POTEJ: variants seen among roughly 807,000 people sequenced by gnomAD.
The protein encoded by POTEJ is POTE ankyrin domain family member J.
In POTEJ, 11 loss-of-function variants were observed where a neutral mutation model predicts 69.0. That is an observed-to-expected ratio of 0.16 (90% CI 0.10 to 0.26). The LOEUF (loss-of-function observed/expected upper bound fraction) is 0.26, where lower values mean the gene tolerates loss of function less well. Ranked by LOEUF, POTEJ falls within the 10% of genes least tolerant of loss-of-function variation. The pLI is 1.00. For synonymous variants in POTEJ, 117 were observed against 381.1 expected, an observed-to-expected ratio of 0.31 and a Z score of 8.07; for missense variants, 327 against 1,045.5, an observed-to-expected ratio of 0.31 and a Z score of 9.48.
At position 130,611,686 on chromosome 2, in the gene POTEJ, T is replaced by C. The variant is rs1685212364; in HGVS notation, c.154T>C (p.Ser52Pro). 7.2e-7 allele frequency: 1 copy of C among 1,389,996 alleles called. No individual in the cohort carries two copies. Among genetic ancestry groups the C allele is most frequent in the South Asian group, 1.2e-5 (1 of 84,818 alleles). The allele number at this position is 1,389,996 out of a possible 1,614,324, so 86.1% of individuals were successfully genotyped here. The change falls in exon 1 of 15, where the codon TCC becomes CCC. Residue 52 changes from serine (S) to proline (P), a missense_variant. Transcript: ENST00000409602. ...GGGCACTTCTGGAGACCAGGACGAC[T>C]CCACTATGAAGACACTCAGGAGCAA... The part of the protein sequence containing the change: ...NVGTSGDQDD[S>P]TMKTLRSKMG...
intron 1 of POTEJ, among the ~76,000 whole-genome samples, chr2:130,613,257 CATATATACATATATATACAT>C (rs759926575): frequency 3.0e-5 from 3 of 99,100 alleles, no homozygotes; most frequent in African/African-American, 4.6e-5. Context: ...TATATATACA[CATATATACATATATATACAT>C]ATGTATATAT....
chr2:130,614,685 A>G (rs1384839021), intron 1 of POTEJ, among the ~76,000 whole-genome samples: 2 of 133,122 alleles, frequency 1.5e-5, no homozygotes, highest in Non-Finnish European at 1.6e-5. Flanking sequence ...GATTTCTGCA[A>G]TGAACATCTG....
intron 3 of POTEJ, among the ~76,000 whole-genome samples, chr2:130,618,774 CTTTTTT>C (rs1204750696): frequency 5.0e-4 from 16 of 32,174 alleles, no homozygotes; most frequent in African/African-American, 3.2e-3. Context: ...ATTAATCTGA[CTTTTTT>C]TTTTTTTTTT....
chr2:130,624,359 C>T (rs1450648425), intron 6 of POTEJ, among the ~76,000 whole-genome samples: 17 of 141,046 alleles, frequency 1.2e-4, no homozygotes, highest in African/African-American at 4.9e-4. Context: ...TCCGTGGAAG[C>T]TCTGAACTAA....
In POTEJ at chr2:130,656,375, C is replaced by A. The variant is rs1045763992; in HGVS notation, c.1789-174C>A. Among the ~76,000 whole-genome samples the A allele has an allele frequency of 4.7e-5, 7 of 148,776 alleles. No individual in the cohort carries two copies. The South Asian group carries it at 1.0e-3, about 22-fold the overall frequency. On this transcript the variant is annotated intron_variant, in intron 14 of 14. Transcript: ENST00000409602. Reference sequence around the variant, plus strand: ...TTTAAAGACGATGAAAAATAAATCACTGGAGGAATTTACACTCTTATTAGG... The same window carrying A: ...TTTAAAGACGATGAAAAATAAATCAATGGAGGAATTTACACTCTTATTAGG...
chr2:130,645,593 C>T, intron 11 of POTEJ, 144 bp from the exon 12 acceptor site: 1 of 433,054 alleles, frequency 2.3e-6, no homozygotes, highest in Non-Finnish European at 3.7e-6. Flanking sequence ...TTTATTTTAA[C>T]AGTTTAATTT....
At position 130,657,045 on chromosome 2, in the gene POTEJ, A is replaced by T. The variant is rs1163032490; in HGVS notation, c.2285A>T (p.Glu762Val). The change falls in exon 15 of 15, where the codon GAG becomes GTG. Residue 762 changes from glutamate (E) to valine (V), a missense_variant. Physicochemically the swap from Glu to Val is moderately radical, Grantham distance 121. Coordinates refer to ENST00000409602, the MANE Select transcript of POTEJ (RefSeq NM_001277083.2). Reference sequence around the variant, plus strand: ...TACAACGAGCTGCGTGTGGCCCCCGAGGAGCACCCCATCCTGCTGACCGAG... The same window carrying T: ...TACAACGAGCTGCGTGTGGCCCCCGTGGAGCACCCCATCCTGCTGACCGAG... ...TFYNELRVAP[E>V]EHPILLTEAP... 24 of 1,581,476 alleles carry T rather than the reference A, an allele frequency of 1.5e-5. 4 individuals are homozygous for T. The highest frequency in any genetic ancestry group is 2.0e-5 in the Non-Finnish European group (23 of 1,157,036).
intron 1 of POTEJ, among the ~76,000 whole-genome samples, chr2:130,612,325 G>A (rs1363302584): frequency 1.3e-5 from 2 of 151,176 alleles, no homozygotes; most frequent in African/African-American, 2.4e-5. Flanking sequence ...ATCAACTTCA[G>A]GGCTAAATAT....
chr2:130,650,007 G>A (rs1686747589), intron 13 of POTEJ, among the ~76,000 whole-genome samples: 1 of 152,132 alleles, frequency 6.6e-6, no homozygotes, highest in African/African-American at 2.4e-5. Flanking sequence ...TGAAGAAAAT[G>A]AAAAAAAAGA....
At chr2:130,626,788 A>C (rs1214763354) in intron 6 of POTEJ, among the ~76,000 whole-genome samples, 9 of 152,278 alleles carry the variant, frequency 5.9e-5, no homozygotes, top group South Asian at 2.1e-4. Flanking sequence ...GAAATACATA[A>C]AGTTAGGAAT....
intron 3 of POTEJ, among the ~76,000 whole-genome samples, chr2:130,618,279 A>G (rs4091574): frequency 2.1e-3 from 312 of 151,144 alleles, no homozygotes; most frequent in Middle Eastern, 3.4e-3. Flanking sequence ...AATTGGTCAT[A>G]TGGGTGAGAA....
upstream of POTEJ, among the ~76,000 whole-genome samples, chr2:130,611,308 G>T (rs1397007807): frequency 7.0e-6 from 1 of 142,518 alleles, no homozygotes; most frequent in Non-Finnish European, 1.5e-5. Flanking sequence ...TTGGGGGGGG[G>T]GGGGTTGGCC....
At chr2:130,615,759 T>A (rs1400780026) in intron 1 of POTEJ, among the ~76,000 whole-genome samples, 1 of 149,060 alleles carries the variant, frequency 6.7e-6, no homozygotes. Context: ...TATCCCTGAA[T>A]GTAAAAGTTG....
chr2:130,614,299 A>G (rs1392916871), intron 1 of POTEJ, among the ~76,000 whole-genome samples: 1 of 151,956 alleles, frequency 6.6e-6, no homozygotes, highest in African/African-American at 2.4e-5. Flanking sequence ...TTTAGTGGTA[A>G]GAACTACATT....
chr2:130,642,858 C>T (rs536882791), intron 10 of POTEJ, among the ~76,000 whole-genome samples: 1 of 151,092 alleles, frequency 6.6e-6, no homozygotes, highest in South Asian at 2.1e-4. Context: ...TGCCGTCACC[C>T]TTTCCTGCCC....
rs1218995983 is a variant in POTEJ, at chr2:130,656,506, C to T, written c.1789-43C>T. The T allele has an allele frequency of 4.4e-6, 7 of 1,581,046 alleles. No homozygotes were observed. The African/African-American group carries it at 1.0e-4, about 23-fold the overall frequency. ...AATTTCAAAAGAAATCATGTTATGT[C>T]AATCTATTGAGTGCTAACTAAAAGT... On this transcript the variant is annotated intron_variant, in intron 14 of 14. Transcript: ENST00000409602.
chr2:130,644,517 T>C (rs1686514914), intron 11 of POTEJ, among the ~76,000 whole-genome samples: 1 of 152,262 alleles, frequency 6.6e-6, no homozygotes, highest in South Asian at 2.1e-4. Context: ...TTTATTGTAA[T>C]AAAATCAGCA....
Position 130,613,392 on chromosome 2 carries a change from A to T in POTEJ, c.410+1450A>T, listed in dbSNP as rs1443622267. 2.9e-5 allele frequency among the ~76,000 whole-genome samples: 4 copies of T among 139,390 alleles called. No individual in the cohort carries two copies. In the South Asian group the frequency reaches 8.5e-4, roughly 30 times the overall value. 91.4% of individuals were successfully genotyped at this position (139,390 alleles called of 152,430 possible). ...TATATGTGTGTGTGTGTGTATATAT[A>T]TATATATATATATATATACTTTTTT... On this transcript the variant is annotated intron_variant, in intron 1 of 14. Transcript: ENST00000409602.
chr2:130,639,298 T>A (rs1412622265), intron 10 of POTEJ, among the ~76,000 whole-genome samples: 2 of 152,310 alleles, frequency 1.3e-5, no homozygotes, highest in African/African-American at 2.4e-5. Flanking sequence ...GGAATTTTTG[T>A]TCACAAAAGA....
Sources: gnomAD v4.1 joint callset for allele counts (sites outside exome capture counted in the v4.1 genomes callset) on GRCh38, gnomAD v4.1.1 for gene constraint, MANE v1.5 for transcripts, NCBI Gene and HGNC (gene_info 2026-07-23, HGNC 2026-07-21) for gene names.